EPHA6: variants seen among roughly 807,000 people sequenced by gnomAD.
EPHA6 encodes the protein EPH receptor A6.
In EPHA6, 50 loss-of-function variants were observed where a neutral mutation model predicts 112.0. The ratio of observed to expected loss-of-function variants is 0.45; its 90% CI spans 0.36 to 0.56. The LOEUF (loss-of-function observed/expected upper bound fraction) is 0.56. Ranked by LOEUF, EPHA6 falls within the 20% of genes least tolerant of loss-of-function variation. The probability of loss-of-function intolerance (pLI) is 0.00; values close to 1 mark genes in which losing one functional copy is unlikely to be tolerated. For synonymous variants in EPHA6, 529 were observed against 490.7 expected, an observed-to-expected ratio of 1.08 and a Z score of -1.03; for missense variants, 1,280 against 1,417.4, an observed-to-expected ratio of 0.90 and a Z score of 1.56.
intron 13 of EPHA6, among the ~76,000 whole-genome samples, chr3:97,612,740 T>C (rs2093730863): frequency 6.6e-6 from 1 of 152,118 alleles, no homozygotes; most frequent in Admixed American, 6.6e-5. Flanking sequence ...TCATGGACTA[T>C]GTGACCTTGG....
chr3:97,057,976 A>C lies in EPHA6; in HGVS notation c.1114+69983A>C, dbSNP rs569079692. Among the ~76,000 whole-genome samples, 6 of 152,236 alleles carry C rather than the reference A, an allele frequency of 3.9e-5. No homozygotes were observed. The South Asian group carries it at 1.2e-3, about 32-fold the overall frequency. On this transcript the variant is annotated intron_variant, in intron 3 of 17. Transcript: ENST00000389672. Reference sequence around the variant, plus strand: ...ATGTTGCATTCTCATTTTTTTCCTAAATAATAATATTGACTTTTATATGGA... The same window carrying C: ...ATGTTGCATTCTCATTTTTTTCCTACATAATAATATTGACTTTTATATGGA...
intron 14 of EPHA6, among the ~76,000 whole-genome samples, chr3:97,664,252 T>C (rs1310737292): frequency 6.6e-6 from 1 of 152,182 alleles, no homozygotes; most frequent in East Asian, 1.9e-4. Context: ...GTCAGATGAG[T>C]AGATGGCAAA....
intron 11 of EPHA6, among the ~76,000 whole-genome samples, chr3:97,544,450 T>C (rs2092915633): frequency 6.6e-6 from 1 of 152,218 alleles, no homozygotes; most frequent in Non-Finnish European, 1.5e-5. Flanking sequence ...GCCCACTTGA[T>C]CATGGTGGAT....
At chr3:97,502,447 A>G (rs1273223188) in intron 10 of EPHA6, among the ~76,000 whole-genome samples, 1 of 151,818 alleles carries the variant, frequency 6.6e-6, no homozygotes, top group Non-Finnish European at 1.5e-5. Flanking sequence ...GGGATTATAC[A>G]TGTGAGCCAC....
intron 2 of EPHA6, among the ~76,000 whole-genome samples, chr3:96,953,492 TAA>T (rs2041634236): frequency 6.6e-6 from 1 of 152,194 alleles, no homozygotes; most frequent in African/African-American, 2.4e-5. Context: ...CTCCATGAAG[TAA>T]AGTGTTAAAG....
intron 5 of EPHA6, among the ~76,000 whole-genome samples, chr3:97,290,525 A>T (rs1353161386): frequency 6.6e-6 from 1 of 152,172 alleles, no homozygotes; most frequent in Non-Finnish European, 1.5e-5. Flanking sequence ...CTCTGTTAGT[A>T]GGGTATTGAA....
intron 5 of EPHA6, among the ~76,000 whole-genome samples, chr3:97,376,546 G>A (rs2109002520): frequency 1.3e-5 from 2 of 152,318 alleles, no homozygotes; most frequent in South Asian, 4.1e-4. Flanking sequence ...GAGATGGATT[G>A]AGTAATCTTA....
intron 2 of EPHA6, among the ~76,000 whole-genome samples, chr3:96,956,436 C>T (rs186100761): frequency 1.7e-4 from 26 of 152,284 alleles, no homozygotes; most frequent in Admixed American, 1.6e-3. Context: ...AGCTGGAATA[C>T]AACTGTCAGG....
chr3:97,187,911 C>T (rs2077199582), intron 3 of EPHA6, among the ~76,000 whole-genome samples: 1 of 151,858 alleles, frequency 6.6e-6, no homozygotes, highest in South Asian at 2.1e-4. Flanking sequence ...TTACACTCTC[C>T]CAAAATATAA....
intron 3 of EPHA6, among the ~76,000 whole-genome samples, chr3:97,078,263 T>C (rs1345383536): frequency 6.6e-6 from 1 of 152,226 alleles, no homozygotes; most frequent in East Asian, 1.9e-4. Context: ...CTTGTAAATT[T>C]GTTTAAGTTC....
intron 11 of EPHA6, among the ~76,000 whole-genome samples, chr3:97,552,371 G>A (rs1351097318): frequency 6.6e-6 from 1 of 152,156 alleles, no homozygotes; most frequent in East Asian, 1.9e-4. Flanking sequence ...TCCTAATTAA[G>A]AAATTGAGAA....
At chr3:97,209,415 C>T (rs183578954) in intron 3 of EPHA6, among the ~76,000 whole-genome samples, 1 of 152,246 alleles carries the variant, frequency 6.6e-6, no homozygotes, top group African/African-American at 2.4e-5. Flanking sequence ...TACGTATCAT[C>T]TCTGTGACCT....
intron 14 of EPHA6, among the ~76,000 whole-genome samples, chr3:97,684,410 A>T (rs969167298): frequency 7.9e-5 from 12 of 152,180 alleles, no homozygotes; most frequent in African/African-American, 2.9e-4. Context: ...TTTAACTACA[A>T]CTGGCTAAAT....
intron 3 of EPHA6, among the ~76,000 whole-genome samples, chr3:97,127,339 T>A (rs1282356541): frequency 1.3e-5 from 2 of 152,174 alleles, no homozygotes; most frequent in South Asian, 2.1e-4. Context: ...ACCTCTCAAA[T>A]GAAGCTCTTA....
Position 97,610,860 on chromosome 3 carries a change from G to C in EPHA6, c.2574+6G>C, listed in dbSNP as rs1454219816. 1 of 1,605,574 alleles carries C rather than the reference G, an allele frequency of 6.2e-7. No homozygotes were observed. ...CCCTAGACTCCTTTTTGCGGGTGAG[G>C]TGTTCTTTTCTGATGGCATTTAAAT... On this transcript the variant is annotated splice_donor_region_variant and intron_variant, in intron 13 of 17. Transcript: ENST00000389672.
intron 7 of EPHA6, among the ~76,000 whole-genome samples, chr3:97,450,943 G>A (rs1252280343): frequency 1.3e-5 from 2 of 152,030 alleles, no homozygotes; most frequent in South Asian, 2.1e-4. Flanking sequence ...AGCACACATG[G>A]GTGGTGAAAG....
chr3:97,560,188 G>C (rs964700068), intron 11 of EPHA6, among the ~76,000 whole-genome samples: 2 of 151,756 alleles, frequency 1.3e-5, no homozygotes, highest in Admixed American at 6.6e-5. Context: ...GGAATAGAAA[G>C]TTGTGGATTT....
intron 3 of EPHA6, among the ~76,000 whole-genome samples, chr3:97,013,987 T>C (rs898353039): frequency 2.6e-5 from 4 of 152,154 alleles, no homozygotes; most frequent in African/African-American, 9.7e-5. Context: ...ACCCAATCTG[T>C]CTTATTTTTG....
intron 16 of EPHA6, among the ~76,000 whole-genome samples, chr3:97,736,589 G>A (rs2035273517): frequency 6.6e-6 from 1 of 151,506 alleles, no homozygotes; most frequent in Admixed American, 6.6e-5. Context: ...GGCAATTTGT[G>A]AATCAGCCCA....
Sources: gnomAD v4.1 joint callset for allele counts (sites outside exome capture counted in the v4.1 genomes callset) on GRCh38, gnomAD v4.1.1 for gene constraint, MANE v1.5 for transcripts, NCBI Gene and HGNC (gene_info 2026-07-23, HGNC 2026-07-21) for gene names.